The following PRELID2 variants were observed in gnomAD, a reference collection of about 807,000 sequenced individuals.
PRELID2 encodes PRELI domain-containing protein 2.
Under a neutral mutation model 28.4 loss-of-function variants are expected in PRELID2, and 25 were observed. That is an observed-to-expected ratio of 0.88 (90% confidence interval 0.64 to 1.23). The LOEUF (loss-of-function observed/expected upper bound fraction) is 1.23, where lower values mean the gene tolerates loss of function less well. Among genes scored for constraint, PRELID2 ranks in the 50% most tolerant of loss-of-function variants. PRELID2 has a pLI of 0.00. For synonymous variants in PRELID2, 76 were observed against 71.6 expected (o/e 1.06, Z -0.31); for missense variants, 201 against 214.4 (o/e 0.94, Z 0.39).
At chr5:145,573,127 G>C (rs914155867) in intron 1 of PRELID2, among the ~76,000 whole-genome samples, 17 of 152,050 alleles carry the variant, frequency 1.1e-4, no homozygotes, top group African/African-American at 4.1e-4. Context: ...CAAATAATGA[G>C]AATAGGGGCT....
the PRELID2 span, among the ~76,000 whole-genome samples, chr5:145,466,643 C>T: frequency 6.6e-6 from 1 of 152,068 alleles, no homozygotes; most frequent in Non-Finnish European, 1.5e-5. Context: ...AATTAAACCA[C>T]TGAGTAGAAA....
At chr5:145,620,697 G>A (rs1753761866) in intron 1 of PRELID2, among the ~76,000 whole-genome samples, 1 of 152,110 alleles carries the variant, frequency 6.6e-6, no homozygotes, top group South Asian at 2.1e-4. Context: ...ATGGCAAAAT[G>A]CAGTGTTAGT....
At chr5:145,609,336 C>A (rs1753573972) in intron 1 of PRELID2, among the ~76,000 whole-genome samples, 1 of 152,188 alleles carries the variant, frequency 6.6e-6, no homozygotes, top group Non-Finnish European at 1.5e-5. Context: ...AGAAAATATT[C>A]TCTGGCTTTT....
intron 4 of PRELID2, among the ~76,000 whole-genome samples, chr5:145,808,857 C>A (rs934032540): frequency 6.6e-6 from 1 of 151,462 alleles, no homozygotes; most frequent in Non-Finnish European, 1.5e-5. Context: ...GCACTCCAGC[C>A]TGGGCAACAG....
At chr5:145,731,051 A>T (rs1756330811) in intron 1 of PRELID2, among the ~76,000 whole-genome samples, 1 of 152,218 alleles carries the variant, frequency 6.6e-6, no homozygotes, top group Non-Finnish European at 1.5e-5. Context: ...ATTGGCCAGG[A>T]GTGTCTCTCA....
At chr5:145,695,719 G>A (rs539778614) in intron 1 of PRELID2, among the ~76,000 whole-genome samples, 37 of 152,274 alleles carry the variant, frequency 2.4e-4, no homozygotes, top group Admixed American at 2.4e-3. Flanking sequence ...CTGCTTAGGT[G>A]GGCCCTTCCA....
intron 2 of PRELID2, among the ~76,000 whole-genome samples, chr5:145,821,255 GTGTA>G (rs1276799876): frequency 1.3e-5 from 2 of 150,570 alleles, no homozygotes. Context: ...CCTCTTCTGT[GTGTA>G]TGTGTGTGTA....
In PRELID2 at chr5:145,757,732, C is replaced by A. The variant is rs117632974; in HGVS notation, c.*2804G>T. 0.027 allele frequency among the ~76,000 whole-genome samples: 3,943 copies of A among 147,286 alleles called. 129 individuals are homozygous for A. The highest frequency in any genetic ancestry group is 0.08 in the East Asian group (402 of 5,018). ...ATCCCAGCACTTTGGGAGGCAGAGGCAGAGGCAGGAGGATCATTTGAGGCC... is the reference window on the plus strand; with the variant it reads ...ATCCCAGCACTTTGGGAGGCAGAGGAAGAGGCAGGAGGATCATTTGAGGCC... On this transcript the variant is annotated 3_prime_UTR_variant, in exon 7 of 7. Transcript: ENST00000683046.
intron 1 of PRELID2, among the ~76,000 whole-genome samples, chr5:145,727,749 G>A (rs1756214695): frequency 6.6e-6 from 1 of 152,196 alleles, no homozygotes; most frequent in African/African-American, 2.4e-5. Context: ...AGATGGTGAT[G>A]TCTCCCATGG....
chr5:145,740,075 G>A (rs1392727874), intron 1 of PRELID2, among the ~76,000 whole-genome samples: 1 of 150,280 alleles, frequency 6.7e-6, no homozygotes, highest in Non-Finnish European at 1.5e-5. Flanking sequence ...TCAATCATAT[G>A]CTATTAACAA....
the PRELID2 span, among the ~76,000 whole-genome samples, chr5:145,396,124 T>C: frequency 2.6e-5 from 4 of 152,320 alleles, no homozygotes; most frequent in East Asian, 7.7e-4. Flanking sequence ...ACAAGACCGC[T>C]TAATACTAGT....
chr5:145,323,936 T>C, the PRELID2 span, among the ~76,000 whole-genome samples: 1 of 152,216 alleles, frequency 6.6e-6, no homozygotes, highest in East Asian at 1.9e-4. Flanking sequence ...CACATGCATG[T>C]GTCTTTATGG....
At chr5:145,395,204 T>C in the PRELID2 span, among the ~76,000 whole-genome samples, 1 of 151,390 alleles carries the variant, frequency 6.6e-6, no homozygotes, top group African/African-American at 2.4e-5. Context: ...CGCCTAGAAC[T>C]GGACATTGCT....
At chr5:145,731,513 A>C (rs915943590) in intron 1 of PRELID2, among the ~76,000 whole-genome samples, 15 of 152,196 alleles carry the variant, frequency 9.9e-5, no homozygotes, top group African/African-American at 3.6e-4. Flanking sequence ...TTACTATCTG[A>C]ATAATCTGGG....
chr5:145,561,124 C>T (rs1752922083), intron 1 of PRELID2, among the ~76,000 whole-genome samples: 1 of 152,004 alleles, frequency 6.6e-6, no homozygotes, highest in Non-Finnish European at 1.5e-5. Flanking sequence ...AGATATTTAG[C>T]CTCCAAGTTA....
At chr5:145,504,294 T>C (rs1752387220) in intron 1 of PRELID2, among the ~76,000 whole-genome samples, 1 of 152,058 alleles carries the variant, frequency 6.6e-6, no homozygotes, top group Non-Finnish European at 1.5e-5. Flanking sequence ...ATTCCAGAGG[T>C]TGATATGAAG....
chr5:145,798,180 CA>C, intron 4 of PRELID2, among the ~76,000 whole-genome samples: 1 of 151,526 alleles, frequency 6.6e-6, no homozygotes, highest in African/African-American at 2.4e-5. Flanking sequence ...AGTCAGGAAC[CA>C]AAAAACAAAT....
the PRELID2 span, among the ~76,000 whole-genome samples, chr5:145,285,397 G>A: frequency 2.6e-5 from 4 of 152,004 alleles, no homozygotes; most frequent in African/African-American, 4.8e-5. Flanking sequence ...AAGCTCCCCC[G>A]CTCCGCCCAG....
At chr5:145,776,510 G>A (rs1012083074) in intron 5 of PRELID2, among the ~76,000 whole-genome samples, 1 of 152,206 alleles carries the variant, frequency 6.6e-6, no homozygotes, top group East Asian at 1.9e-4. Context: ...AAGATCTATG[G>A]TAAGAACAAG....
Sources: allele counts gnomAD v4.1 joint callset (sites outside exome capture counted in the v4.1 genomes callset), GRCh38; gene constraint gnomAD v4.1.1; transcripts MANE v1.5; gene names NCBI Gene and HGNC (gene_info 2026-07-23, HGNC 2026-07-21).